The following ADAMTSL1 variants were observed in gnomAD, a reference collection of about 807,000 sequenced individuals.
The protein encoded by ADAMTSL1 is ADAMTS-like protein 1.
A neutral mutation model predicts 201.8 loss-of-function variants in ADAMTSL1; 126 were observed. That is an observed-to-expected ratio of 0.62 (90% CI 0.54 to 0.72). ADAMTSL1 has a LOEUF of 0.72. Ranked by LOEUF, ADAMTSL1 falls within the 30% of genes least tolerant of loss-of-function variation. The pLI is 0.00. For missense variants in ADAMTSL1, 2,679 were observed against 2,277.8 expected (o/e 1.18, Z -3.59); for synonymous variants, 1,121 against 903.4 (o/e 1.24, Z -4.32).
chr9:18,461,455 G>T (rs1184832167), intron 2 of ADAMTSL1, among the ~76,000 whole-genome samples: 1 of 152,010 alleles, frequency 6.6e-6, no homozygotes, highest in East Asian at 1.9e-4. Flanking sequence ...ATTAACATAT[G>T]CATTACCTCA....
intron 2 of ADAMTSL1, among the ~76,000 whole-genome samples, chr9:18,296,238 C>G (rs1399230597): frequency 6.6e-6 from 1 of 152,172 alleles, no homozygotes; most frequent in Non-Finnish European, 1.5e-5. Context: ...GTTGTAGGGA[C>G]TGTTCTAGAT....
intron 2 of ADAMTSL1, among the ~76,000 whole-genome samples, chr9:18,524,406 T>C (rs996458606): frequency 2.0e-5 from 3 of 152,204 alleles, no homozygotes; most frequent in Non-Finnish European, 2.9e-5. Context: ...TTTGACTTCC[T>C]CTTTTCCTAA....
At chr9:18,627,410 A>G (rs1029822749) in intron 5 of ADAMTSL1, among the ~76,000 whole-genome samples, 1 of 152,162 alleles carries the variant, frequency 6.6e-6, no homozygotes, top group South Asian at 2.1e-4. Flanking sequence ...TTGCTGCTGT[A>G]ACTAATTACC....
At chr9:18,493,573 C>A (rs1370879435) in intron 1 of ADAMTSL1, among the ~76,000 whole-genome samples, 1 of 152,132 alleles carries the variant, frequency 6.6e-6, no homozygotes, top group African/African-American at 2.4e-5. Flanking sequence ...TAGATTAAGC[C>A]AAGATGTGAC....
intron 7 of ADAMTSL1, among the ~76,000 whole-genome samples, chr9:18,653,903 C>T (rs895743896): frequency 2.0e-4 from 30 of 152,192 alleles, no homozygotes; most frequent in African/African-American, 7.2e-4. Context: ...TACTGTCCGA[C>T]CTAAAAAGAC....
At chr9:18,353,226 G>A (rs1836054575) in intron 2 of ADAMTSL1, among the ~76,000 whole-genome samples, 1 of 152,178 alleles carries the variant, frequency 6.6e-6, no homozygotes, top group Non-Finnish European at 1.5e-5. Context: ...TCACTGTGTT[G>A]AAAACAGTAG....
At chr9:18,537,246 G>A (rs541495270) in intron 3 of ADAMTSL1, among the ~76,000 whole-genome samples, 1 of 152,298 alleles carries the variant, frequency 6.6e-6, no homozygotes, top group South Asian at 2.1e-4. Context: ...TATATCAGCA[G>A]TTGGTGCAAT....
chr9:18,845,890 AC>A (rs1473774075), intron 23 of ADAMTSL1, among the ~76,000 whole-genome samples: 3 of 152,204 alleles, frequency 2.0e-5, no homozygotes, highest in Non-Finnish European at 4.4e-5. Context: ...TTCACATGTA[AC>A]CCTCTCAAAG....
At chr9:18,464,920 T>C (rs1248666522) in intron 2 of ADAMTSL1, among the ~76,000 whole-genome samples, 1 of 152,218 alleles carries the variant, frequency 6.6e-6, no homozygotes, top group African/African-American at 2.4e-5. Context: ...AGCTTCCTAG[T>C]AGCCAAAGAA....
chr9:18,029,418 A>G (rs1012541921), intron 1 of ADAMTSL1, among the ~76,000 whole-genome samples: 11 of 152,192 alleles, frequency 7.2e-5, no homozygotes, highest in Non-Finnish European at 1.3e-4. Flanking sequence ...AAAGACTTAC[A>G]TGTTACACCT....
chr9:18,606,434 C>G (rs1405183380), intron 4 of ADAMTSL1, among the ~76,000 whole-genome samples: 1 of 152,078 alleles, frequency 6.6e-6, no homozygotes, highest in African/African-American at 2.4e-5. Context: ...AAACAAAATG[C>G]TCTAAACATT....
At chr9:18,045,349 G>A (rs562655008) in intron 1 of ADAMTSL1, among the ~76,000 whole-genome samples, 13 of 152,230 alleles carry the variant, frequency 8.5e-5, no homozygotes, top group Admixed American at 2.0e-4. Flanking sequence ...AGCAGTTGGA[G>A]TTGGCATGAG....
At chr9:18,279,071 C>T (rs1025614061) in intron 2 of ADAMTSL1, among the ~76,000 whole-genome samples, 18 of 152,000 alleles carry the variant, frequency 1.2e-4, no homozygotes, top group Non-Finnish European at 2.2e-4. Context: ...TATGCATAGC[C>T]CTCCTAATTT....
intron 4 of ADAMTSL1, among the ~76,000 whole-genome samples, chr9:18,582,478 T>G (rs921855598): frequency 1.3e-5 from 2 of 152,120 alleles, no homozygotes; most frequent in Non-Finnish European, 2.9e-5. Flanking sequence ...GGGAGGCGAT[T>G]GAATTATGAG....
At chr9:18,657,219 A>T (rs942998262) in intron 7 of ADAMTSL1, among the ~76,000 whole-genome samples, 1 of 152,212 alleles carries the variant, frequency 6.6e-6, no homozygotes, top group Non-Finnish European at 1.5e-5. Context: ...TTTCTTAACC[A>T]AAACCAGTAT....
intron 1 of ADAMTSL1, among the ~76,000 whole-genome samples, chr9:18,026,582 T>C (rs1425168786): frequency 6.6e-6 from 1 of 152,124 alleles, no homozygotes; most frequent in Non-Finnish European, 1.5e-5. Context: ...AATTAACTTT[T>C]GATGTGCTGC....
chr9:18,705,242 C>T (rs1402674007), intron 13 of ADAMTSL1, among the ~76,000 whole-genome samples: 1 of 152,130 alleles, frequency 6.6e-6, no homozygotes, highest in Admixed American at 6.5e-5. Flanking sequence ...GGTTAAGGAG[C>T]CAGGTTTGCA....
At chr9:18,260,059 T>C (rs1403043291) in intron 2 of ADAMTSL1, among the ~76,000 whole-genome samples, 2 of 152,190 alleles carry the variant, frequency 1.3e-5, no homozygotes, top group Non-Finnish European at 2.9e-5. Context: ...ATTTAAACCG[T>C]CAAAGGCATC....
intron 1 of ADAMTSL1, among the ~76,000 whole-genome samples, chr9:18,491,767 T>C (rs1056989361): frequency 1.3e-5 from 2 of 152,198 alleles, no homozygotes; most frequent in African/African-American, 2.4e-5. Context: ...GACTGGAAGA[T>C]AGGAAGAGAT....
Sources: allele counts gnomAD v4.1 joint callset (sites outside exome capture counted in the v4.1 genomes callset), GRCh38; gene constraint gnomAD v4.1.1; transcripts MANE v1.5; gene names NCBI Gene and HGNC (gene_info 2026-07-23, HGNC 2026-07-21).